The following PTP4A1 variants were observed in gnomAD, a reference collection of about 807,000 sequenced individuals.
PTP4A1 encodes protein tyrosine phosphatase 4A1.
A neutral mutation model predicts 20.5 loss-of-function variants in PTP4A1; 9 were observed. The observed-to-expected ratio is 0.44, with a 90% CI of 0.26 to 0.77. The LOEUF is 0.77. Among genes scored for constraint, PTP4A1 ranks in the 30% least tolerant of loss-of-function variants. The probability of loss-of-function intolerance (pLI) is 0.19; values close to 1 mark genes in which losing one functional copy is unlikely to be tolerated. For synonymous variants in PTP4A1, 78 were observed against 67.4 expected (o/e 1.16, Z -0.77); for missense variants, 137 against 218.8 (o/e 0.63, Z 2.36).
chr6:63,521,744 C>G (rs750204290), upstream of PTP4A1: 7 of 152,146 alleles, frequency 4.6e-5, no homozygotes, highest in Non-Finnish European at 8.8e-5. Context: ...TCTGACCCTC[C>G]CAGGACTTGA....
chr6:63,556,597 C>A (rs1045059400), intron 3 of PTP4A1, among the ~76,000 whole-genome samples: 2 of 152,132 alleles, frequency 1.3e-5, no homozygotes, highest in African/African-American at 4.8e-5. Flanking sequence ...GATGATACCA[C>A]AGGGGAAGTT....
intron 3 of PTP4A1, among the ~76,000 whole-genome samples, chr6:63,560,503 A>T (rs897940853): frequency 1.3e-5 from 2 of 150,950 alleles, no homozygotes; most frequent in African/African-American, 4.9e-5. Flanking sequence ...CCCGAGTTCA[A>T]GTGATTCTCC....
intron 1 of PTP4A1, 93 bp downstream of exon 1, chr6:63,572,812 C>T (rs1013248263): frequency 3.0e-5 from 12 of 396,772 alleles, no homozygotes; most frequent in African/African-American, 1.6e-4. Context: ...CCGGCGTCTC[C>T]TCCAGGTTGC....
chr6:63,578,722 C>T (rs187980539), intron 3 of PTP4A1, among the ~76,000 whole-genome samples, 176 bp from the exon 4 acceptor site: 122 of 152,200 alleles, frequency 8.0e-4, no homozygotes, highest in African/African-American at 2.8e-3. Flanking sequence ...AGTTGTGAAA[C>T]ATTTTTGTAA....
At chr6:63,542,137 T>C (rs577128061) in intron 2 of PTP4A1, among the ~76,000 whole-genome samples, 2 of 151,740 alleles carry the variant, frequency 1.3e-5, no homozygotes, top group African/African-American at 4.8e-5. Flanking sequence ...CTGGATGACA[T>C]TGGAGAATAC....
intron 3 of PTP4A1, among the ~76,000 whole-genome samples, chr6:63,552,794 C>G (rs1047790560): frequency 2.6e-5 from 4 of 152,132 alleles, no homozygotes; most frequent in African/African-American, 9.7e-5. Flanking sequence ...AATAGGGAAA[C>G]CTTTCCCCAT....
rs1778321726 is a variant in PTP4A1 at position 63,582,799 on chromosome 6, A to G, written c.*2625A>G. On this transcript the variant is annotated 3_prime_UTR_variant, in exon 6 of 6. Transcript: ENST00000626021. ...GGTCATTCTGCAGTGCACTGCAACC[A>G]TTGTTTCCCCTAGTGCCCTCTTTTC... 1 of 152,094 alleles carries G rather than the reference A, an allele frequency of 6.6e-6. No homozygotes were observed. Among genetic ancestry groups the G allele is most frequent in the Non-Finnish European group, 1.5e-5 (1 of 68,012 alleles). 9.4% of individuals were successfully genotyped at this position (152,094 alleles called of 1,614,324 possible). A position where few individuals can be genotyped will look rare whatever the true frequency, so the allele number is the denominator to read the frequency against.
intron 3 of PTP4A1, among the ~76,000 whole-genome samples, chr6:63,557,213 G>A (rs1399494058): frequency 6.6e-6 from 1 of 152,130 alleles, no homozygotes; most frequent in Admixed American, 6.6e-5. Flanking sequence ...AAGGTACAAT[G>A]GAAGTACAGG....
In PTP4A1 at chr6:63,538,496, A is replaced by C. The variant is rs1775813956; in HGVS notation, c.-640+10412A>C. ...TTTGAATTCGAGACACTAAGTGATA[A>C]AGTTACATGTTCAGTATTTGAAGCT... is the stretch of plus-strand genomic sequence containing the variant. On this transcript the variant is annotated intron_variant, in intron 2 of 3. Transcript: ENST00000639568. Among the ~76,000 whole-genome samples, 3 of 152,378 alleles carry C rather than the reference A, an allele frequency of 2.0e-5. No individual in the cohort carries two copies. The South Asian group carries it at 6.2e-4, about 32-fold the overall frequency.
In PTP4A1 at chr6:63,578,443, A is replaced by C; in HGVS notation, c.112A>C (p.Lys38Gln). ...ATLNKFIEEL[K>Q]KYGVTTIVRV... ...TAATGTACGTTTTATCCAGGAACTT[A>C]AGAAGTATGGAGTTACCACAATAGT... The change falls in exon 3 of 6, where the codon AAG becomes CAG. Residue 38 changes from lysine to glutamine, a missense_variant. Coordinates refer to ENST00000626021, the MANE Select transcript of PTP4A1 (RefSeq NM_003463.5). The C allele has an allele frequency of 6.2e-7, 1 of 1,603,076 alleles. No individual in the cohort carries two copies.
chr6:63,576,305 A>G, intron 1 of PTP4A1, 131 bp from the exon 2 acceptor site: 2 of 388,170 alleles, frequency 5.2e-6, no homozygotes, highest in East Asian at 7.3e-5. Context: ...AATTCAAGTA[A>G]AAGTCGATGA....
At chr6:63,551,671 T>TG (rs1024179589) in intron 3 of PTP4A1, among the ~76,000 whole-genome samples, 1 of 151,942 alleles carries the variant, frequency 6.6e-6, no homozygotes, top group Non-Finnish European at 1.5e-5. Context: ...TATCTCCTAA[T>TG]GCTATCCCTC....
At chr6:63,536,160 C>T (rs1339353168) in intron 2 of PTP4A1, among the ~76,000 whole-genome samples, 1 of 152,082 alleles carries the variant, frequency 6.6e-6, no homozygotes, top group Non-Finnish European at 1.5e-5. Flanking sequence ...GATGAAACCA[C>T]GTCTCTACCA....
At chr6:63,577,092 C>T (rs1777915987) in intron 2 of PTP4A1, 107 bp downstream of exon 2, 1 of 778,472 alleles carries the variant, frequency 1.3e-6, no homozygotes, top group Non-Finnish European at 2.1e-6. Flanking sequence ...GATATACCTA[C>T]AATTCCAGTT....
chr6:63,580,373 A>G lies in PTP4A1; in HGVS notation c.*199A>G, dbSNP rs2149518344. 1 of 512,612 alleles carries G rather than the reference A, an allele frequency of 2.0e-6. No individual in the cohort carries two copies. Among genetic ancestry groups the G allele is most frequent in the East Asian group, 3.0e-5 (1 of 33,532 alleles). 31.8% of individuals were successfully genotyped at this position (512,612 alleles called of 1,614,324 possible). A position where few individuals can be genotyped will look rare whatever the true frequency, so the allele number is the denominator to read the frequency against. ...CAGTCAACCTATTTGGATACTTGGCAAAAGATTCTTGCTGTCAGCATATAA... is the reference window on the plus strand; with the variant it reads ...CAGTCAACCTATTTGGATACTTGGCGAAAGATTCTTGCTGTCAGCATATAA... On this transcript the variant is annotated 3_prime_UTR_variant, in exon 6 of 6. Transcript: ENST00000626021.
chr6:63,519,507 C>T (rs1168482324), upstream of PTP4A1, among the ~76,000 whole-genome samples: 2 of 152,160 alleles, frequency 1.3e-5, no homozygotes, highest in African/African-American at 4.8e-5. Context: ...TAATGATAAA[C>T]TGACTGATTG....
chr6:63,551,281 G>C (rs1048632877), intron 3 of PTP4A1, among the ~76,000 whole-genome samples: 2 of 152,078 alleles, frequency 1.3e-5, no homozygotes, highest in Admixed American at 6.5e-5. Context: ...GGCCAGGCTG[G>C]TCTCGAATTC....
chr6:63,532,078 C>T (rs1476320829), intron 2 of PTP4A1, among the ~76,000 whole-genome samples: 4 of 152,176 alleles, frequency 2.6e-5, no homozygotes, highest in East Asian at 1.9e-4. Flanking sequence ...GGATTACAGG[C>T]GTGAGCCACC....
intron 2 of PTP4A1, among the ~76,000 whole-genome samples, chr6:63,531,702 G>A (rs996322396): frequency 5.9e-5 from 9 of 152,042 alleles, no homozygotes; most frequent in African/African-American, 2.2e-4. Flanking sequence ...ATGTTGCCCA[G>A]GCTGGTCTTA....
Sources: allele counts gnomAD v4.1 joint callset (sites outside exome capture counted in the v4.1 genomes callset), GRCh38; gene constraint gnomAD v4.1.1; transcripts MANE v1.5; gene names NCBI Gene and HGNC (gene_info 2026-07-23, HGNC 2026-07-21).